The following PTPRN2 variants were observed in gnomAD, a reference collection of about 807,000 sequenced individuals.
The protein encoded by PTPRN2 is receptor-type tyrosine-protein phosphatase N2.
A neutral mutation model predicts 118.8 loss-of-function variants in PTPRN2; 74 were observed. The ratio of observed to expected loss-of-function variants is 0.62; its 90% CI spans 0.52 to 0.76. PTPRN2 has a LOEUF of 0.76. Among genes scored for constraint, PTPRN2 ranks in the 30% least tolerant of loss-of-function variants. PTPRN2 has a pLI of 0.00. For missense variants in PTPRN2, 1,481 were observed against 1,394.4 expected, an observed-to-expected ratio of 1.06 and a Z score of -0.99; for synonymous variants, 641 against 608.0, an observed-to-expected ratio of 1.05 and a Z score of -0.80.
intron 12 of PTPRN2, among the ~76,000 whole-genome samples, chr7:157,765,573 T>TCATCCATC (rs1256990899): frequency 7.6e-6 from 1 of 131,766 alleles, no homozygotes; most frequent in African/African-American, 2.9e-5. Flanking sequence ...ACCCATCCAC[T>TCATCCATC]CATCCATCCA....
At chr7:158,374,903 C>T (rs1344467147) in intron 2 of PTPRN2, among the ~76,000 whole-genome samples, 1 of 152,174 alleles carries the variant, frequency 6.6e-6, no homozygotes, top group African/African-American at 2.4e-5. Context: ...GAATTGAATA[C>T]TTCAAGTCTA....
At chr7:157,606,360 G>A (rs919255399) in intron 15 of PTPRN2, among the ~76,000 whole-genome samples, 1 of 152,196 alleles carries the variant, frequency 6.6e-6, no homozygotes, top group African/African-American at 2.4e-5. Context: ...GGGTGGGGGT[G>A]GGGTCCTGCC....
Position 158,310,852 on chromosome 7 carries a change from G to A in PTPRN2, c.277+5967C>T, listed in dbSNP as rs889273640. Among the ~76,000 whole-genome samples, 11 of 59,066 alleles carry A rather than the reference G, an allele frequency of 1.9e-4. 2 individuals are homozygous for A. The highest frequency in any genetic ancestry group is 5.2e-4 in the African/African-American group (10 of 19,150). 38.7% of individuals were successfully genotyped at this position (59,066 alleles called of 152,430 possible). Reference sequence around the variant, plus strand: ...GAGCCGGACAGAGCGCAAATCCCACGGAGGGCGAGCCCTGAGCCTGACAGA... The same window carrying A: ...GAGCCGGACAGAGCGCAAATCCCACAGAGGGCGAGCCCTGAGCCTGACAGA... On this transcript the variant is annotated intron_variant, in intron 3 of 22. Coordinates refer to ENST00000389418, the MANE Select transcript of PTPRN2 (RefSeq NM_002847.5).
At chr7:157,847,655 C>T (rs1350405181) in intron 12 of PTPRN2, among the ~76,000 whole-genome samples, 2 of 149,542 alleles carry the variant, frequency 1.3e-5, no homozygotes, top group Non-Finnish European at 3.0e-5. Flanking sequence ...ACAGAGCCCT[C>T]TCTCACTCTG....
At chr7:157,658,863 C>T (rs192342198) in intron 13 of PTPRN2, among the ~76,000 whole-genome samples, 51 of 152,300 alleles carry the variant, frequency 3.3e-4, no homozygotes, top group Non-Finnish European at 1.0e-4. Flanking sequence ...TGGGCTGCTG[C>T]TGCCTTGGTT....
chr7:158,141,739 C>T (rs1819406753), intron 6 of PTPRN2, among the ~76,000 whole-genome samples: 1 of 152,170 alleles, frequency 6.6e-6, no homozygotes. Context: ...CCTTTGAAAA[C>T]CTGAGTCCTG....
intron 2 of PTPRN2, among the ~76,000 whole-genome samples, chr7:158,378,270 T>A (rs1335260289): frequency 6.6e-6 from 1 of 152,164 alleles, no homozygotes; most frequent in Non-Finnish European, 1.5e-5. Context: ...CCTCAGCTCT[T>A]GACATTCGCT....
chr7:158,328,910 G>T (rs1803889275), intron 2 of PTPRN2, among the ~76,000 whole-genome samples: 1 of 151,022 alleles, frequency 6.6e-6, no homozygotes, highest in South Asian at 2.1e-4. Flanking sequence ...AGGGATCCCA[G>T]TGAGGCCTGG....
chr7:158,020,910 C>T (rs751370773), intron 11 of PTPRN2, among the ~76,000 whole-genome samples: 7 of 152,150 alleles, frequency 4.6e-5, no homozygotes, highest in Non-Finnish European at 7.4e-5. Context: ...CAGGCTCCCC[C>T]GACAGCCGGA....
chr7:157,824,062 C>T (rs116938486), intron 12 of PTPRN2, among the ~76,000 whole-genome samples: 247 of 152,320 alleles, frequency 1.6e-3, no homozygotes, highest in Non-Finnish European at 2.7e-3. Flanking sequence ...CATCTCAAGT[C>T]ACCTTCGCTC....
intron 1 of PTPRN2, among the ~76,000 whole-genome samples, 181 bp from the exon 2 acceptor site, chr7:158,489,966 G>A (rs537446195): frequency 1.3e-5 from 2 of 152,298 alleles, no homozygotes; most frequent in South Asian, 2.1e-4. Context: ...CCCCTGACCC[G>A]GCCACGTGCG....
intron 12 of PTPRN2, among the ~76,000 whole-genome samples, chr7:157,814,770 G>A (rs1015700229): frequency 1.3e-5 from 2 of 152,198 alleles, no homozygotes; most frequent in African/African-American, 4.8e-5. Flanking sequence ...ATTTGAAAAT[G>A]TTTCTAAAAA....
intron 6 of PTPRN2, among the ~76,000 whole-genome samples, chr7:158,160,030 A>G (rs1005017602): frequency 6.6e-6 from 1 of 152,152 alleles, no homozygotes; most frequent in African/African-American, 2.4e-5. Flanking sequence ...AATCATAACC[A>G]CAGGAGAGTT....
intron 2 of PTPRN2, among the ~76,000 whole-genome samples, chr7:158,352,480 C>T: frequency 6.6e-6 from 1 of 152,218 alleles, no homozygotes; most frequent in East Asian, 1.9e-4. Context: ...CTGCTTCACC[C>T]TCCTGTGATG....
intron 5 of PTPRN2, among the ~76,000 whole-genome samples, chr7:158,172,234 T>C (rs960428668): frequency 3.3e-5 from 5 of 152,194 alleles, no homozygotes; most frequent in Non-Finnish European, 7.3e-5. Context: ...TCTAACCTCT[T>C]GAAGTCTCAT....
intron 11 of PTPRN2, among the ~76,000 whole-genome samples, chr7:157,938,241 C>T (rs997799077): frequency 2.6e-4 from 40 of 152,202 alleles, no homozygotes; most frequent in African/African-American, 8.4e-4. Flanking sequence ...AACTGCAGCA[C>T]CCACTGGTTG....
chr7:157,627,162 G>T lies in PTPRN2; in HGVS notation c.2197-5653C>A, dbSNP rs1803636155. 6.6e-6 allele frequency among the ~76,000 whole-genome samples: 1 copy of T among 152,224 alleles called. No individual in the cohort carries two copies. The highest frequency in any genetic ancestry group is 2.1e-4 in the South Asian group (1 of 4,838). On this transcript the variant is annotated intron_variant, in intron 14 of 22. Coordinates refer to ENST00000389418, the MANE Select transcript of PTPRN2 (RefSeq NM_002847.5). This position sits in a 1 kb window ranked among gnomAD's most constrained non-coding sequence, Gnocchi z 4.2. The stretch of plus-strand genomic sequence containing the variant: ...CCTTCTCAGTGGCCTCCAGGCACCA[G>T]TGTGCACCGCACCTGCAGCTGGGTC...
At chr7:157,669,386 C>T (rs771426715) in intron 13 of PTPRN2, among the ~76,000 whole-genome samples, 1 of 152,080 alleles carries the variant, frequency 6.6e-6, no homozygotes, top group African/African-American at 2.4e-5. Context: ...GTAACTTTTA[C>T]ACTTGGACCA....
At chr7:158,301,435 T>C (rs1408425375) in intron 3 of PTPRN2, among the ~76,000 whole-genome samples, 1 of 152,238 alleles carries the variant, frequency 6.6e-6, no homozygotes, top group East Asian at 1.9e-4. Flanking sequence ...GAACTCCCAA[T>C]TCTGAGTCAT....
Sources: allele counts gnomAD v4.1 joint callset (sites outside exome capture counted in the v4.1 genomes callset), GRCh38; gene constraint gnomAD v4.1.1; non-coding constraint Gnocchi (gnomAD v3.1); transcripts MANE v1.5; gene names NCBI Gene and HGNC (gene_info 2026-07-23, HGNC 2026-07-21).